AGAP3: variants seen among roughly 807,000 people sequenced by gnomAD.
AGAP3 encodes ArfGAP with GTPase domain, ankyrin repeat and PH domain 3, also known as arf-GAP with GTPase, ANK repeat and PH domain-containing protein 3.
AGAP3 carries 24 observed loss-of-function variants against 96.9 expected under a neutral mutation model. The observed-to-expected ratio is 0.25, with a 90% confidence interval of 0.18 to 0.35. The LOEUF is 0.35. Among genes scored for constraint, AGAP3 ranks in the 10% least tolerant of loss-of-function variants. The probability of loss-of-function intolerance (pLI) is 1.00; values close to 1 mark genes in which losing one functional copy is unlikely to be tolerated. For synonymous variants in AGAP3, 563 were observed against 536.1 expected (o/e 1.05, Z -0.69); for missense variants, 876 against 1,254.2 (o/e 0.70, Z 4.55).
chr7:151,127,567 A>G (rs1042685319), intron 9 of AGAP3, among the ~76,000 whole-genome samples: 2 of 151,968 alleles, frequency 1.3e-5, no homozygotes, highest in African/African-American at 4.8e-5. Context: ...ATTTTGGAGG[A>G]TGGGGGGCCA....
rs2150542427 is a variant in AGAP3, at chr7:151,143,907, C to T, written c.2700C>T (p.Pro900=). Reference sequence around the variant, plus strand: ...GAGAGCCTGCCAATGGCACCAACCCCTCTGCTGAGCTGCACCGTAGTCCTA... The same window carrying T: ...GAGAGCCTGCCAATGGCACCAACCCTTCTGCTGAGCTGCACCGTAGTCCTA... ...PNREPANGTN[P]SAELHRSPSL... The change falls in exon 18 of 18, where the codon CCC becomes CCT. Residue 900 remains proline (P), a synonymous_variant. Transcript: ENST00000397238. This position sits in a 1 kb window ranked among gnomAD's most constrained non-coding sequence, Gnocchi z 5.9. 2 of 1,614,080 alleles carry T rather than the reference C, an allele frequency of 1.2e-6. No homozygotes were observed. Among genetic ancestry groups the T allele is most frequent in the South Asian group, 1.1e-5 (1 of 91,086 alleles).
In AGAP3 at chr7:151,143,240, G is replaced by T. The variant is rs1191903897; in HGVS notation, c.2274-101G>T. ...CATCTTCTCTCACTGTTTCTTCCTT[G>T]TTCCCCCGGGTGCTCGCTTCCTTTC... On this transcript the variant is annotated intron_variant, in intron 16 of 17. Transcript: ENST00000397238. This position sits in a 1 kb window ranked among gnomAD's most constrained non-coding sequence, Gnocchi z 5.9. 3.6e-6 allele frequency: 5 copies of T among 1,400,660 alleles called. No homozygotes were observed. The highest frequency in any genetic ancestry group is 2.8e-5 in the South Asian group (2 of 70,432). The allele number at this position is 1,400,660 out of a possible 1,614,324, so 86.8% of individuals were successfully genotyped here. A position where few individuals can be genotyped will look rare whatever the true frequency, so the allele number is the denominator to read the frequency against.
At chr7:151,122,194 TGGGCCAAAG>T (rs1160601798) in intron 8 of AGAP3, among the ~76,000 whole-genome samples, 1 of 152,186 alleles carries the variant, frequency 6.6e-6, no homozygotes, top group Non-Finnish European at 1.5e-5. Context: ...TCCTCCTCCC[TGGGCCAAAG>T]GGGCAGAGGG....
intron 1 of AGAP3, among the ~76,000 whole-genome samples, chr7:151,104,245 C>T (rs534881291): frequency 3.9e-5 from 6 of 152,298 alleles, no homozygotes; most frequent in Admixed American, 3.9e-4. Flanking sequence ...CTGTTAAGAG[C>T]AGCATCTTCC....
At chr7:151,097,938 C>A (rs1213677880) in intron 1 of AGAP3, among the ~76,000 whole-genome samples, 1 of 152,202 alleles carries the variant, frequency 6.6e-6, no homozygotes, top group Non-Finnish European at 1.5e-5. Context: ...CATACCACGT[C>A]TTCACACTCC....
intron 1 of AGAP3, among the ~76,000 whole-genome samples, chr7:151,100,331 T>C (rs1413743009): frequency 6.6e-6 from 1 of 152,100 alleles, no homozygotes; most frequent in African/African-American, 2.4e-5. Context: ...GGGAGAGGCT[T>C]GGTGTGAGGT....
upstream of AGAP3, among the ~76,000 whole-genome samples, chr7:151,086,241 A>G (rs959129291): frequency 6.6e-6 from 1 of 150,904 alleles, no homozygotes; most frequent in African/African-American, 2.4e-5. Flanking sequence ...AGGAGGCGGA[A>G]GGGCCGAGGC....
intron 1 of AGAP3, among the ~76,000 whole-genome samples, chr7:151,107,829 G>A (rs955072915): frequency 6.6e-6 from 1 of 152,134 alleles, no homozygotes; most frequent in African/African-American, 2.4e-5. Flanking sequence ...TAGGCGATGG[G>A]TCAGTTATGA....
At position 151,114,800 on chromosome 7, in the gene AGAP3, C is replaced by G; in HGVS notation, c.332-1993C>G. ...AGCGGGGCTGGCCGCAGGGGGACAG[C>G]TGTCCCGGGGAGCGGCCCGCCGCTT... On this transcript the variant is annotated intron_variant, in intron 1 of 17. Transcript: ENST00000397238. The surrounding 1 kb of genome is among the most constrained non-coding windows in gnomAD (Gnocchi z 4.4). The G allele has an allele frequency of 1.9e-6, 2 of 1,049,142 alleles. No homozygotes were observed. The highest frequency in any genetic ancestry group is 1.1e-6 in the Non-Finnish European group (1 of 872,958). The allele number at this position is 1,049,142 out of a possible 1,614,324, so 65.0% of individuals were successfully genotyped here.
Position 151,117,632 on chromosome 7 carries a change from C to G in AGAP3, c.565-4C>G, listed in dbSNP as rs759249173. 5 of 1,613,970 alleles carry G rather than the reference C, an allele frequency of 3.1e-6. No individual in the cohort carries two copies. Among genetic ancestry groups the G allele is most frequent in the South Asian group, 1.1e-5 (1 of 91,058 alleles). The stretch of plus-strand genomic sequence containing the variant: ...GGGTGCTAATTTTACTTGCTCTACC[C>G]TAGTTTGCTGCCTGGGTGGATGCAG... On this transcript the variant is annotated splice_region_variant and splice_polypyrimidine_tract_variant and intron_variant, in intron 4 of 17. Coordinates refer to ENST00000397238, the MANE Select transcript of AGAP3 (RefSeq NM_031946.7).
Position 151,142,285 on chromosome 7 carries a change from G to T in AGAP3, c.2050+32G>T. ...GCAAGGCTGGTGGGGCTGGGAGCTG[G>T]GGATGGCCCAGGGAAAGCTTCGCAA... On this transcript the variant is annotated intron_variant, in intron 15 of 17. Transcript: ENST00000397238. This position sits in a 1 kb window ranked among gnomAD's most constrained non-coding sequence, Gnocchi z 7.5. The T allele has an allele frequency of 6.2e-7, 1 of 1,609,366 alleles. No individual in the cohort carries two copies. Among genetic ancestry groups the T allele is most frequent in the Non-Finnish European group, 8.5e-7 (1 of 1,177,992 alleles).
intron 8 of AGAP3, chr7:151,123,270 A>G (rs1018343475): frequency 9.6e-7 from 1 of 1,046,202 alleles, no homozygotes; most frequent in Non-Finnish European, 1.2e-6. Context: ...ATTCGGGTGG[A>G]CTCTGCCCCA....
intron 1 of AGAP3, among the ~76,000 whole-genome samples, chr7:151,091,507 G>A (rs185159025): frequency 2.6e-5 from 4 of 152,338 alleles, no homozygotes; most frequent in Non-Finnish European, 5.9e-5. Flanking sequence ...GACAGGGAGC[G>A]AAGGGGCCAG....
At chr7:151,127,308 C>T (rs891811867) in intron 9 of AGAP3, among the ~76,000 whole-genome samples, 3 of 152,224 alleles carry the variant, frequency 2.0e-5, no homozygotes, top group South Asian at 4.1e-4. Flanking sequence ...CGGGGCCCTC[C>T]ATTCCTAAAG....
At chr7:151,123,572 G>T in intron 8 of AGAP3, 1 of 1,381,324 alleles carries the variant, frequency 7.2e-7, no homozygotes. Flanking sequence ...GTAAGGGGCG[G>T]GCCCGGCTCA....
intron 1 of AGAP3, chr7:151,115,223 C>T (rs1197464594): frequency 3.0e-6 from 3 of 1,001,652 alleles, no homozygotes; most frequent in South Asian, 4.5e-5. Flanking sequence ...GGCGCGCGGG[C>T]AGCGCGGGCT....
At position 151,143,942 on chromosome 7, in the gene AGAP3, A is replaced by G. The variant is rs768372324; in HGVS notation, c.2735A>G (p.Ter912=). 4 of 1,613,566 alleles carry G rather than the reference A, an allele frequency of 2.5e-6. No individual in the cohort carries two copies. The Admixed American group carries it at 5.0e-5, about 20-fold the overall frequency. The change falls in exon 18 of 18, where the codon TAA becomes TGA. Residue 912 remains the stop codon, a stop_retained_variant. Coordinates refer to ENST00000397238, the MANE Select transcript of AGAP3 (RefSeq NM_031946.7). This position sits in a 1 kb window ranked among gnomAD's most constrained non-coding sequence, Gnocchi z 5.9. ...AELHRSPSLL[*] is the part of the protein sequence containing the mutation. ...CTGCACCGTAGTCCTAGCCTCCTATAAGGCCCAGGAAGAGGGCAGAGGGGC... is the reference window on the plus strand; with the variant it reads ...CTGCACCGTAGTCCTAGCCTCCTATGAGGCCCAGGAAGAGGGCAGAGGGGC...
chr7:151,123,954 G>A, intron 9 of AGAP3, 68 bp downstream of exon 9: 5 of 1,505,480 alleles, frequency 3.3e-6, no homozygotes, highest in Non-Finnish European at 4.5e-6. Context: ...GCTTCCCAGG[G>A]CCTCTTCTCA....
chr7:151,111,966 G>A (rs1048208815), intron 1 of AGAP3, among the ~76,000 whole-genome samples: 4 of 152,154 alleles, frequency 2.6e-5, no homozygotes, highest in African/African-American at 7.2e-5. Context: ...AATTTCCTTC[G>A]GGCCCAGTAG....
Sources: gnomAD v4.1 joint callset for allele counts (sites outside exome capture counted in the v4.1 genomes callset) on GRCh38, gnomAD v4.1.1 for gene constraint, Gnocchi (gnomAD v3.1) non-coding constraint, MANE v1.5 for transcripts, NCBI Gene and HGNC (gene_info 2026-07-23, HGNC 2026-07-21) for gene names.